The following MSANTD2 variants were observed in gnomAD, a reference collection of about 807,000 sequenced individuals.
The protein encoded by MSANTD2 is myb/SANT-like DNA-binding domain-containing protein 2.
MSANTD2 carries 19 observed loss-of-function variants against 52.6 expected under a neutral mutation model. That is an observed-to-expected ratio of 0.36 (90% CI 0.25 to 0.53). The LOEUF (loss-of-function observed/expected upper bound fraction) is 0.53, where lower values mean the gene tolerates loss of function less well. MSANTD2 is among the 20% of genes least tolerant of loss of function. The pLI is 0.91. For synonymous variants in MSANTD2, 291 were observed against 289.7 expected, an observed-to-expected ratio of 1.00 and a Z score of -0.04; for missense variants, 558 against 716.3, an observed-to-expected ratio of 0.78 and a Z score of 2.52.
chr11:124,799,415 C>A (rs769050760), intron 1 of MSANTD2, among the ~76,000 whole-genome samples: 1 of 152,214 alleles, frequency 6.6e-6, no homozygotes, highest in Admixed American at 6.5e-5. Context: ...CCGCTACGGC[C>A]ACTTATTAAC....
At chr11:124,795,973 C>T (rs1464282300) in intron 1 of MSANTD2, among the ~76,000 whole-genome samples, 4 of 152,124 alleles carry the variant, frequency 2.6e-5, no homozygotes, top group South Asian at 4.1e-4. Flanking sequence ...CAAACACATC[C>T]GTTTTACCCA....
chr11:124,775,249 T>C (rs909404327), intron 1 of MSANTD2: 7 of 274,416 alleles, frequency 2.6e-5, no homozygotes, highest in African/African-American at 1.5e-4. Flanking sequence ...CATACACATA[T>C]TTTTATACCC....
intron 1 of MSANTD2, chr11:124,791,671 TTC>T: frequency 7.5e-7 from 1 of 1,332,768 alleles, no homozygotes; most frequent in Non-Finnish European, 1.1e-6. Flanking sequence ...GTGAGGGCAT[TTC>T]TGGAGACAGG....
At chr11:124,773,586 A>C (rs1035158664) in intron 2 of MSANTD2, among the ~76,000 whole-genome samples, 3 of 152,202 alleles carry the variant, frequency 2.0e-5, no homozygotes, top group African/African-American at 7.2e-5. Context: ...TTATTCTTCT[A>C]ATCGTTAAGT....
At chr11:124,770,163 C>T (rs1335367753) in intron 3 of MSANTD2, among the ~76,000 whole-genome samples, 2 of 152,178 alleles carry the variant, frequency 1.3e-5, no homozygotes, top group Non-Finnish European at 2.9e-5. Context: ...AATTTGAGTT[C>T]ATTCCTAGTT....
At position 124,800,206 on chromosome 11, in the gene MSANTD2, C is replaced by G; in HGVS notation, c.175G>C (p.Gly59Arg). 6.8e-7 allele frequency: 1 copy of G among 1,480,994 alleles called. No homozygotes were observed. The highest frequency in any genetic ancestry group is 9.0e-7 in the Non-Finnish European group (1 of 1,117,306). 91.7% of individuals were successfully genotyped at this position (1,480,994 alleles called of 1,614,324 possible). A position where few individuals can be genotyped will look rare whatever the true frequency, so the allele number is the denominator to read the frequency against. ...CCGAGACCCCCGGACGCCGCTGCCC[C>G]CGAGCCCGCCGCACTGCCCGGCCCG... Reference protein sequence around the residue: ...PLGPGSAAGSGAAASGGLGLG... With the variant: ...PLGPGSAAGSRAAASGGLGLG... Residue 59 changes from glycine to arginine, a missense_variant, in exon 1 of 4, where the codon GGG (glycine) becomes CGG (arginine). Physicochemically the swap from Gly to Arg is moderately radical, Grantham distance 125. Around this residue, in one of 2 missense-constraint regions of MSANTD2, gnomAD observed 150 missense variants for 142.7 expected, o/e 1.05. Transcript: ENST00000374979. The surrounding 1 kb of genome is among the most constrained non-coding windows in gnomAD (Gnocchi z 4.3).
At chr11:124,786,004 C>A (rs1003010350) in intron 1 of MSANTD2, among the ~76,000 whole-genome samples, 1 of 151,564 alleles carries the variant, frequency 6.6e-6, no homozygotes, top group Admixed American at 6.6e-5. Context: ...TTTTTTGCTA[C>A]CATTGCCAGG....
chr11:124,794,941 C>G (rs566093571), intron 1 of MSANTD2, among the ~76,000 whole-genome samples: 1 of 152,124 alleles, frequency 6.6e-6, no homozygotes, highest in Non-Finnish European at 1.5e-5. Flanking sequence ...TTCAGTGGCT[C>G]AATCTCAGCT....
chr11:124,769,085 C>T (rs965495489), intron 3 of MSANTD2, among the ~76,000 whole-genome samples: 8 of 152,118 alleles, frequency 5.3e-5, no homozygotes, highest in Non-Finnish European at 1.0e-4. Flanking sequence ...AGGGGGTGTG[C>T]GTGCTAACAG....
intron 3 of MSANTD2, among the ~76,000 whole-genome samples, chr11:124,771,457 T>C (rs1214580178): frequency 1.3e-5 from 2 of 152,204 alleles, no homozygotes; most frequent in African/African-American, 2.4e-5. Context: ...GAGGTGGTAG[T>C]GGTGTCTTGC....
chr11:124,791,884 A>G (rs1388065337), intron 1 of MSANTD2: 1 of 405,738 alleles, frequency 2.5e-6, no homozygotes, highest in African/African-American at 2.1e-5. Context: ...GTCTGCCTTC[A>G]ATTAGAACAG....
intron 3 of MSANTD2, among the ~76,000 whole-genome samples, chr11:124,772,759 A>C (rs1426648877): frequency 6.7e-6 from 1 of 148,570 alleles, no homozygotes; most frequent in African/African-American, 2.6e-5. Context: ...AAAAAAAAAA[A>C]AAAAAAAAAA....
chr11:124,767,770 T>C lies in MSANTD2; in HGVS notation c.1086A>G (p.Arg362=), dbSNP rs755646080. The change falls in exon 4 of 4, where the codon CGA becomes CGG. Residue 362 remains arginine, a synonymous_variant. Coordinates refer to ENST00000374979, the MANE Select transcript of MSANTD2 (RefSeq NM_001308027.2). This position sits in a 1 kb window ranked among gnomAD's most constrained non-coding sequence, Gnocchi z 6.5. Reference sequence around the variant, plus strand: ...CATTTTTCCAGTTCATTTTCTGCACTCGGGTCATAATGATCCGTCCTTCAG... The same window carrying C: ...CATTTTTCCAGTTCATTTTCTGCACCCGGGTCATAATGATCCGTCCTTCAG... ...EKPEGRIIMT[R]VQKMNWKNVY... The C allele has an allele frequency of 6.2e-7, 1 of 1,614,238 alleles. No homozygotes were observed. The highest frequency in any genetic ancestry group is 1.1e-5 in the South Asian group (1 of 91,088).
intron 1 of MSANTD2, chr11:124,784,488 C>A (rs907119614): frequency 1.0e-6 from 1 of 985,108 alleles, no homozygotes; most frequent in Non-Finnish European, 1.2e-6. Flanking sequence ...TTAAACCCCC[C>A]CCCCGCCACC....
At position 124,798,774 on chromosome 11, in the gene MSANTD2, CTT is replaced by C. The variant is rs1425949670; in HGVS notation, c.510+1095_510+1096del. On this transcript the variant is annotated intron_variant, in intron 1 of 3. Transcript: ENST00000374979. ...TGATCATTCTTATTTTATAATTGTT[CTT>C]GGTGGTTTTTATCCCCCCTCAAGAA... Among the ~76,000 whole-genome samples, 6 of 152,154 alleles carry C rather than the reference CTT, an allele frequency of 3.9e-5. No individual in the cohort carries two copies. In the East Asian group the frequency reaches 1.2e-3, roughly 29 times the overall value.
chr11:124,794,366 T>C (rs1945426946), intron 1 of MSANTD2, among the ~76,000 whole-genome samples: 1 of 152,234 alleles, frequency 6.6e-6, no homozygotes, highest in Admixed American at 6.5e-5. Flanking sequence ...GTATGATTGG[T>C]AGTCAAAGAT....
chr11:124,773,394 GT>G (rs1402522911), intron 2 of MSANTD2: 1 of 180,708 alleles, frequency 5.5e-6, no homozygotes, highest in East Asian at 1.6e-4. Context: ...TTCTATGTAG[GT>G]TTTACAAAGC....
intron 1 of MSANTD2, among the ~76,000 whole-genome samples, chr11:124,788,424 AAAAGG>A (rs1945232384): frequency 6.6e-6 from 1 of 152,248 alleles, no homozygotes; most frequent in African/African-American, 2.4e-5. Flanking sequence ...GAAAAATAAC[AAAAGG>A]TTTCATGAAT....
intron 3 of MSANTD2, among the ~76,000 whole-genome samples, chr11:124,770,219 G>C (rs1252496230): frequency 6.6e-6 from 1 of 152,180 alleles, no homozygotes; most frequent in African/African-American, 2.4e-5. Context: ...TTATAAGGAA[G>C]AGATAGGACA....
Sources: gnomAD v4.1 joint callset for allele counts (sites outside exome capture counted in the v4.1 genomes callset) on GRCh38, gnomAD v4.1.1 for gene constraint, gnomAD v4.1.1 regional missense constraint, Gnocchi (gnomAD v3.1) non-coding constraint, MANE v1.5 for transcripts, NCBI Gene and HGNC (gene_info 2026-07-23, HGNC 2026-07-21) for gene names.